CD226: variants seen among roughly 807,000 people sequenced by gnomAD.
CD226 encodes the protein CD226 molecule, also known as CD226 antigen.
CD226 carries 24 observed loss-of-function variants against 34.9 expected under a neutral mutation model. The observed-to-expected ratio is 0.69, with a 90% CI of 0.50 to 0.97. The LOEUF is 0.97. Ranked by LOEUF, CD226 falls within the 50% of genes least tolerant of loss-of-function variation. The pLI is 0.00. For missense variants in CD226, 397 were observed against 412.7 expected (o/e 0.96, Z 0.33); for synonymous variants, 148 against 147.4 (o/e 1.00, Z -0.03).
At chr18:69,929,303 A>G (rs148709236) in intron 2 of CD226, among the ~76,000 whole-genome samples, 1,837 of 151,472 alleles carry the variant, frequency 0.012, 31 homozygotes, top group Admixed American at 0.051. Flanking sequence ...TCGTGAGGAC[A>G]CCCTGGATCT....
At chr18:69,956,011 A>T (rs1455806121) in intron 1 of CD226, among the ~76,000 whole-genome samples, 1 of 152,176 alleles carries the variant, frequency 6.6e-6, no homozygotes, top group African/African-American at 2.4e-5. Flanking sequence ...TTGGCAAGTC[A>T]TACACATGTC....
chr18:69,907,805 AATAAGAGAGTAT>A (rs2055274808), intron 2 of CD226, among the ~76,000 whole-genome samples: 1 of 152,116 alleles, frequency 6.6e-6, no homozygotes. Flanking sequence ...GATGCATATA[AATAAGAGAGTAT>A]TGCCCATTTC....
intron 2 of CD226, among the ~76,000 whole-genome samples, chr18:69,934,261 T>C (rs1048247521): frequency 7.0e-6 from 1 of 143,354 alleles, no homozygotes; most frequent in Non-Finnish European, 1.5e-5. Context: ...AAGGAAATGA[T>C]CCTGTCCACA....
At chr18:69,887,709 T>G (rs1288723967) in intron 3 of CD226, among the ~76,000 whole-genome samples, 1 of 152,210 alleles carries the variant, frequency 6.6e-6, no homozygotes, top group Non-Finnish European at 1.5e-5. Flanking sequence ...GTTAATTAAT[T>G]AAAATGCCAC....
At chr18:69,958,569 A>G (rs552178380), upstream of CD226, among the ~76,000 whole-genome samples, 26 of 152,316 alleles carry the variant, frequency 1.7e-4, 1 homozygote, top group South Asian at 5.4e-3. Context: ...TGAACCTCAC[A>G]CATCGGCTGA....
At chr18:69,898,006 A>G (rs976806714) in intron 2 of CD226, among the ~76,000 whole-genome samples, 3 of 152,168 alleles carry the variant, frequency 2.0e-5, no homozygotes, top group African/African-American at 7.2e-5. Context: ...GCAACACAAG[A>G]AAAGGGGAAG....
chr18:69,907,431 C>T (rs2055268940), intron 2 of CD226, among the ~76,000 whole-genome samples: 1 of 152,156 alleles, frequency 6.6e-6, no homozygotes, highest in African/African-American at 2.4e-5. Flanking sequence ...CCTCAGCCTC[C>T]CGAGTAACTG....
At chr18:69,921,584 G>A (rs933618910) in intron 2 of CD226, among the ~76,000 whole-genome samples, 5 of 152,262 alleles carry the variant, frequency 3.3e-5, no homozygotes, top group South Asian at 4.1e-4. Flanking sequence ...CCCCCAGGCC[G>A]AGCCACAAGG....
chr18:69,872,715 C>T (rs938052473), intron 4 of CD226, among the ~76,000 whole-genome samples: 8 of 152,172 alleles, frequency 5.3e-5, no homozygotes. Context: ...GGGATGTGAG[C>T]TTCATTATGT....
intron 3 of CD226, among the ~76,000 whole-genome samples, chr18:69,874,951 G>C (rs1048789229): frequency 5.9e-5 from 9 of 152,060 alleles, no homozygotes; most frequent in Middle Eastern, 3.4e-3. Context: ...TTGTGTCTAT[G>C]TACCACATTT....
chr18:69,939,474 T>TATTC (rs2055696854), intron 2 of CD226, among the ~76,000 whole-genome samples: 1 of 152,210 alleles, frequency 6.6e-6, no homozygotes, highest in Non-Finnish European at 1.5e-5. Context: ...TCCTAATGTG[T>TATTC]GAATAGACCT....
At chr18:69,951,048 T>C (rs1189208694), upstream of CD226, among the ~76,000 whole-genome samples, 1 of 151,094 alleles carries the variant, frequency 6.6e-6, no homozygotes, top group Non-Finnish European at 1.5e-5. Flanking sequence ...TCCAGGCTGA[T>C]CTCAAACTCC....
At chr18:69,949,032 G>C (rs575543166), upstream of CD226, among the ~76,000 whole-genome samples, 1 of 152,290 alleles carries the variant, frequency 6.6e-6, no homozygotes, top group African/African-American at 2.4e-5. Flanking sequence ...GTGACAATGC[G>C]GGTGTTTCAG....
intron 2 of CD226, among the ~76,000 whole-genome samples, chr18:69,911,172 C>T (rs181179243): frequency 1.3e-5 from 2 of 152,276 alleles, no homozygotes; most frequent in Admixed American, 1.3e-4. Context: ...CATGTTGGCA[C>T]ATGTGAGTTA....
intron 2 of CD226, among the ~76,000 whole-genome samples, chr18:69,934,466 T>C (rs552687463): frequency 1.3e-5 from 2 of 152,364 alleles, no homozygotes; most frequent in East Asian, 1.9e-4. Context: ...GCTCATTAAA[T>C]GGTGCAGCTA....
At chr18:69,939,758 G>C (rs2055700175) in intron 2 of CD226, among the ~76,000 whole-genome samples, 1 of 152,140 alleles carries the variant, frequency 6.6e-6, no homozygotes, top group Non-Finnish European at 1.5e-5. Context: ...GGTGAATTTT[G>C]AATAAGCAGT....
intron 2 of CD226, among the ~76,000 whole-genome samples, chr18:69,933,294 A>C (rs1179997308): frequency 6.6e-6 from 1 of 152,102 alleles, no homozygotes; most frequent in Non-Finnish European, 1.5e-5. Context: ...TGGACCTTCC[A>C]CCCTCCGACC....
chr18:69,945,671 T>C (rs1373693228), intron 2 of CD226, among the ~76,000 whole-genome samples: 1 of 152,122 alleles, frequency 6.6e-6, no homozygotes, highest in Non-Finnish European at 1.5e-5. Context: ...CTGGGCAACA[T>C]GTTGAAACCT....
intron 2 of CD226, among the ~76,000 whole-genome samples, chr18:69,933,430 T>G (rs989730518): frequency 2.0e-5 from 3 of 152,180 alleles, no homozygotes; most frequent in African/African-American, 7.2e-5. Context: ...CTGCCAGCCC[T>G]TGTCTCCATT....
Sources: gnomAD v4.1 joint callset for allele counts (sites outside exome capture counted in the v4.1 genomes callset) on GRCh38, gnomAD v4.1.1 for gene constraint, MANE v1.5 for transcripts, NCBI Gene and HGNC (gene_info 2026-07-23, HGNC 2026-07-21) for gene names.